The following NDUFC1 variants were observed in gnomAD, a reference collection of about 807,000 sequenced individuals.
NDUFC1 encodes NADH:ubiquinone oxidoreductase subunit C1.
Under a neutral mutation model 11.6 loss-of-function variants are expected in NDUFC1, and 11 were observed. That is an observed-to-expected ratio of 0.95 (90% confidence interval 0.60 to 1.58). The LOEUF is 1.58. Ranked by LOEUF, NDUFC1 falls within the 40% of genes most tolerant of loss-of-function variation. The pLI is 0.00. For synonymous variants in NDUFC1, 52 were observed against 42.2 expected (o/e 1.23, Z -0.90); for missense variants, 112 against 93.0 (o/e 1.20, Z -0.84).
At chr4:139,294,734 CA>C (rs34462002) in intron 4 of NDUFC1, among the ~76,000 whole-genome samples, 19,987 of 91,534 alleles carry the variant, frequency 0.22, 1,397 homozygotes, top group Middle Eastern at 0.28. Context: ...GACTCCATCT[CA>C]AAAAAAAAAA....
At chr4:139,298,092 C>A (rs1745539691) in intron 1 of NDUFC1, among the ~76,000 whole-genome samples, 1 of 150,154 alleles carries the variant, frequency 6.7e-6, no homozygotes, top group Non-Finnish European at 1.5e-5. Context: ...AAGAAAAAAA[C>A]CAACAACCTC....
intron 1 of NDUFC1, chr4:139,301,402 C>T (rs972821120): frequency 9.4e-6 from 4 of 424,804 alleles, no homozygotes; most frequent in Non-Finnish European, 1.3e-5. Context: ...TCCAGGTTTC[C>T]CGGCAAGCTC....
At chr4:139,292,809 A>AATAT (rs1355202536) in intron 4 of NDUFC1, among the ~76,000 whole-genome samples, 200 bp from the exon 5 acceptor site, 80 of 149,292 alleles carry the variant, frequency 5.4e-4, no homozygotes, top group East Asian at 1.4e-3. Flanking sequence ...GGAGCCCTTA[A>AATAT]ATATATATAT....
intron 1 of NDUFC1, 87 bp from the exon 2 acceptor site, chr4:139,297,530 A>G (rs553249236): frequency 3.3e-5 from 5 of 152,334 alleles, no homozygotes; most frequent in Non-Finnish European, 7.3e-5. Flanking sequence ...CATTCATGTA[A>G]GCATCTTCAG....
At chr4:139,293,785 T>C (rs576441723) in intron 4 of NDUFC1, among the ~76,000 whole-genome samples, 1 of 152,328 alleles carries the variant, frequency 6.6e-6, no homozygotes, top group African/African-American at 2.4e-5. Context: ...TCTAGGATAG[T>C]GTGGCCTCTG....
At chr4:139,298,583 G>C (rs1042729451) in intron 1 of NDUFC1, among the ~76,000 whole-genome samples, 1 of 151,804 alleles carries the variant, frequency 6.6e-6, no homozygotes, top group Admixed American at 6.6e-5. Context: ...GAGAAATCCT[G>C]TCTATACACA....
At position 139,292,581 on chromosome 4, in the gene NDUFC1, A is replaced by C. The variant is rs1745275124; in HGVS notation, c.200T>G (p.Leu67Ter). 1 of 1,569,016 alleles carries C rather than the reference A, an allele frequency of 6.4e-7. No homozygotes were observed. The highest frequency in any genetic ancestry group is 1.2e-5 in the South Asian group (1 of 86,546). The change falls in exon 5 of 6, where the codon TTA (leucine) becomes TGA (stop). Residue 67 changes from leucine to a stop codon, truncating the protein, a stop_gained. Transcript: ENST00000394223. LOFTEE classifies it high-confidence loss of function. ...YLIKQHNEDI[L>*]EYKRRNGLE ...CAGCCCATTTCTTCTTTTGTACTCT[A>C]AAATATCTTCATTGTGTTGTTTGAT...
rs1402306505 is a variant in NDUFC1 at position 139,294,027 on chromosome 4, C to T, written c.171+1016G>A. On this transcript the variant is annotated intron_variant, in intron 4 of 5. Transcript: ENST00000394223. ...CACGATCTCGGCTCACTGCAAGCTC[C>T]ACCTCCCGGGTTCACACCATTCTGC... is the stretch of plus-strand genomic sequence containing the variant. 2.0e-5 allele frequency among the ~76,000 whole-genome samples: 3 copies of T among 148,690 alleles called. No individual in the cohort carries two copies. The Admixed American group carries it at 2.0e-4, about 10-fold the overall frequency.
chr4:139,294,865 T>C (rs1166439415), intron 4 of NDUFC1, among the ~76,000 whole-genome samples, 178 bp downstream of exon 4: 1 of 152,204 alleles, frequency 6.6e-6, no homozygotes, highest in Non-Finnish European at 1.5e-5. Context: ...TTAATTTCTT[T>C]TTAGTCCTTG....
chr4:139,301,251 G>A, intron 1 of NDUFC1: 1 of 329,126 alleles, frequency 3.0e-6, no homozygotes, highest in Non-Finnish European at 5.5e-6. Context: ...AGGCGCCAGA[G>A]AGGCTGTTTT....
chr4:139,293,910 G>A (rs1745337906), intron 4 of NDUFC1, among the ~76,000 whole-genome samples: 1 of 140,202 alleles, frequency 7.1e-6, no homozygotes, highest in Non-Finnish European at 1.5e-5. Context: ...GCAAGTTTAT[G>A]TGTAAAGCAT....
Position 139,292,556 on chromosome 4 carries a change from C to A in NDUFC1, c.225G>T (p.Leu75=). 1 of 1,553,412 alleles carries A rather than the reference C, an allele frequency of 6.4e-7. No individual in the cohort carries two copies. The highest frequency in any genetic ancestry group is 1.2e-5 in the South Asian group (1 of 86,066). ...ACATTAGTGTTTCAAAAGTTTATTCCAGCCCATTTCTTCTTTTGTACTCTA... is the reference window on the plus strand; with the variant it reads ...ACATTAGTGTTTCAAAAGTTTATTCAAGCCCATTTCTTCTTTTGTACTCTA... ...DILEYKRRNG[L]E The change falls in exon 5 of 6, where the codon CTG becomes CTT. Residue 75 remains leucine (L), a synonymous_variant. Transcript: ENST00000394223.
At chr4:139,292,417 G>T in intron 5 of NDUFC1, 113 bp downstream of exon 5, 2 of 424,202 alleles carry the variant, frequency 4.7e-6, no homozygotes, top group Non-Finnish European at 8.3e-6. Flanking sequence ...AAATATGGGT[G>T]CTAAAATGTA....
intron 4 of NDUFC1, among the ~76,000 whole-genome samples, chr4:139,294,737 A>T (rs549814586): frequency 6.7e-6 from 1 of 150,344 alleles, no homozygotes; most frequent in South Asian, 2.1e-4. Flanking sequence ...TCCATCTCAA[A>T]AAAAAAAAAA....
intron 1 of NDUFC1, among the ~76,000 whole-genome samples, chr4:139,300,289 G>T (rs1745655420): frequency 6.6e-6 from 1 of 152,128 alleles, no homozygotes; most frequent in African/African-American, 2.4e-5. Flanking sequence ...GAAGGGCGAG[G>T]ACAATCAATA....
At chr4:139,302,114 C>T in intron 1 of NDUFC1, 1 of 368,478 alleles carries the variant, frequency 2.7e-6, no homozygotes. Context: ...TCATTCTCCC[C>T]GATCTGGGGG....
Position 139,295,159 on chromosome 4 carries a change from G to A in NDUFC1, c.68-13C>T, listed in dbSNP as rs375794098. 6.2e-6 allele frequency: 10 copies of A among 1,609,908 alleles called. No homozygotes were observed. The highest frequency in any genetic ancestry group is 8.5e-6 in the Non-Finnish European group (10 of 1,176,240). ...GATCGCACTGAAGCTGAAAGGGGAA[G>A]AGGGTCTGTAAATTTGTAACTTACT... On this transcript the variant is annotated splice_polypyrimidine_tract_variant and intron_variant, in intron 3 of 5. Transcript: ENST00000394223.
In NDUFC1 at chr4:139,297,450, A is replaced by G. The variant is rs1370628022; in HGVS notation, c.-221-7T>C. ...GCTGTATGTGAAACTGCATCTAGAAAAGAATCCTGATTAAGTAATTCCAGC... is the reference window on the plus strand; with the variant it reads ...GCTGTATGTGAAACTGCATCTAGAAGAGAATCCTGATTAAGTAATTCCAGC... On this transcript the variant is annotated splice_region_variant and splice_polypyrimidine_tract_variant and intron_variant, in intron 1 of 5. Transcript: ENST00000394223. 1 of 152,238 alleles carries G rather than the reference A, an allele frequency of 6.6e-6. No homozygotes were observed. Among genetic ancestry groups the G allele is most frequent in the African/African-American group, 2.4e-5 (1 of 41,468 alleles). 9.4% of individuals were successfully genotyped at this position (152,238 alleles called of 1,614,324 possible).
At chr4:139,296,096 A>G (rs1745462342) in intron 2 of NDUFC1, 136 bp from the exon 3 acceptor site, 5 of 441,154 alleles carry the variant, frequency 1.1e-5, no homozygotes, top group Non-Finnish European at 2.0e-5. Flanking sequence ...ATGAGCCAGA[A>G]GAAAGAAAAG....
Sources: allele counts gnomAD v4.1 joint callset (sites outside exome capture counted in the v4.1 genomes callset), GRCh38; gene constraint gnomAD v4.1.1; transcripts MANE v1.5; gene names NCBI Gene and HGNC (gene_info 2026-07-23, HGNC 2026-07-21).